PCNX1: variants seen among roughly 807,000 people sequenced by gnomAD.
PCNX1 encodes pecanex 1, also known as pecanex-like protein 1.
PCNX1 carries 78 observed loss-of-function variants against 242.2 expected under a neutral mutation model. The ratio of observed to expected loss-of-function variants is 0.32; its 90% CI spans 0.27 to 0.39. The LOEUF (loss-of-function observed/expected upper bound fraction) is 0.39, where lower values mean the gene tolerates loss of function less well. Among genes scored for constraint, PCNX1 ranks in the 10% least tolerant of loss-of-function variants. The probability of loss-of-function intolerance (pLI) is 1.00; values close to 1 mark genes in which losing one functional copy is unlikely to be tolerated. For synonymous variants in PCNX1, 1,024 were observed against 1,032.9 expected, an observed-to-expected ratio of 0.99 and a Z score of 0.17; for missense variants, 2,581 against 2,856.5, an observed-to-expected ratio of 0.90 and a Z score of 2.20.
chr14:71,076,032 A>G (rs1454029207), intron 27 of PCNX1, among the ~76,000 whole-genome samples, 157 bp from the exon 28 acceptor site: 1 of 152,072 alleles, frequency 6.6e-6, no homozygotes, highest in East Asian at 1.9e-4. Flanking sequence ...ATATATATGT[A>G]GAATATTGAG....
chr14:70,962,527 A>G (rs1323318645), intron 3 of PCNX1, among the ~76,000 whole-genome samples, 196 bp downstream of exon 3: 1 of 152,240 alleles, frequency 6.6e-6, no homozygotes, highest in East Asian at 1.9e-4. Flanking sequence ...TTTGTTGAGC[A>G]TTACCACAGA....
chr14:70,953,322 G>A (rs999111813), intron 2 of PCNX1, among the ~76,000 whole-genome samples: 9 of 151,832 alleles, frequency 5.9e-5, no homozygotes, highest in African/African-American at 2.2e-4. Context: ...GTCTCATTGT[G>A]ACTTTCAGTT....
intron 16 of PCNX1, among the ~76,000 whole-genome samples, chr14:71,029,362 TTTG>T (rs1457308974): frequency 6.6e-6 from 1 of 152,206 alleles, no homozygotes; most frequent in Non-Finnish European, 1.5e-5. Flanking sequence ...ATTTTTGTTT[TTTG>T]TTTGGCGACT....
At chr14:70,927,354 A>G (rs1410699657) in intron 1 of PCNX1, among the ~76,000 whole-genome samples, 1 of 152,092 alleles carries the variant, frequency 6.6e-6, no homozygotes, top group African/African-American at 2.4e-5. Context: ...TTTCACATTT[A>G]CTTCACCTTA....
Position 71,109,515 on chromosome 14 carries a change from C to T in PCNX1, c.6808C>T (p.Pro2270Ser), listed in dbSNP as rs753001702. The change falls in exon 35 of 36, where the codon CCT (proline) becomes TCT (serine). Residue 2270 changes from proline to serine, a missense_variant. Pro to Ser is a moderately conservative substitution (Grantham distance 74, BLOSUM62 -1). Coordinates refer to ENST00000304743, the MANE Select transcript of PCNX1 (RefSeq NM_014982.3). ...NLSKRKELQWPDEGIRLKAGR... is the reference protein window; with the variant it reads ...NLSKRKELQWSDEGIRLKAGR... ...GTCTAAAAGGAAAGAGCTACAGTGGCCTGATGAAGGAATCCGGTTAAAAGC... is the reference window on the plus strand; with the variant it reads ...GTCTAAAAGGAAAGAGCTACAGTGGTCTGATGAAGGAATCCGGTTAAAAGC... 9 of 1,613,712 alleles carry T rather than the reference C, an allele frequency of 5.6e-6. No individual in the cohort carries two copies. Among genetic ancestry groups the T allele is most frequent in the South Asian group, 1.1e-5 (1 of 91,070 alleles).
chr14:70,962,264 G>T lies in PCNX1; in HGVS notation c.401G>T (p.Arg134Leu), dbSNP rs768926819. The change falls in exon 3 of 36, where the codon CGA becomes CTA. Residue 134 changes from arginine to leucine, a missense_variant. By Grantham distance (102) the Arg-to-Leu change is moderately radical. Coordinates refer to ENST00000304743, the MANE Select transcript of PCNX1 (RefSeq NM_014982.3). The stretch of plus-strand genomic sequence containing the variant: ...GGGATTGAAATGTCTGAGTTCATCC[G>T]AGAGGCCACACCCCCAGTTGGTTGC... ...GGGIEMSEFI[R>L]EATPPVGCSS... is the part of the protein sequence containing the mutation. 1 of 1,613,374 alleles carries T rather than the reference G, an allele frequency of 6.2e-7. No homozygotes were observed. The highest frequency in any genetic ancestry group is 8.5e-7 in the Non-Finnish European group (1 of 1,179,468).
At position 71,108,762 on chromosome 14, in the gene PCNX1, A is replaced by G; in HGVS notation, c.6460A>G (p.Ser2154Gly). The G allele has an allele frequency of 6.2e-7, 1 of 1,614,234 alleles. No individual in the cohort carries two copies. Among genetic ancestry groups the G allele is most frequent in the Non-Finnish European group, 8.5e-7 (1 of 1,180,036 alleles). Residue 2154 changes from serine (S) to glycine (G), a missense_variant, in exon 34 of 36, where the codon AGT becomes GGT. This residue lies in a region of PCNX1 where 432 missense variants were observed against 433.6 expected (regional missense o/e 1.00). Coordinates refer to ENST00000304743, the MANE Select transcript of PCNX1 (RefSeq NM_014982.3). ...TGTGCCTTGTCGGCGCTCTTCTACT[A>G]GTCAGATATCGCTTCGAAACTTGCC... ...GFVPCRRSST[S>G]QISLRNLPSS...
Position 70,983,291 on chromosome 14 carries a change from G to A in PCNX1, c.2311+4643G>A, listed in dbSNP as rs140897056. On this transcript the variant is annotated intron_variant, in intron 6 of 35. Transcript: ENST00000304743. The stretch of plus-strand genomic sequence containing the variant: ...TAAGGATGTGCAAATTATCTTTAAC[G>A]CAAAGCTCAGCTAATAATTTTTTTT... Among the ~76,000 whole-genome samples, 245 of 152,102 alleles carry A rather than the reference G, an allele frequency of 1.6e-3. 11 individuals are homozygous for A. In the East Asian group the frequency reaches 0.042, roughly 26 times the overall value.
chr14:70,918,056 A>G (rs2056221104), intron 1 of PCNX1, among the ~76,000 whole-genome samples: 1 of 152,198 alleles, frequency 6.6e-6, no homozygotes, highest in Admixed American at 6.5e-5. Flanking sequence ...AGAATTGAAG[A>G]GAGTTGGGGC....
chr14:70,914,311 A>G (rs2056058255), intron 1 of PCNX1, among the ~76,000 whole-genome samples: 1 of 143,860 alleles, frequency 7.0e-6, no homozygotes, highest in Non-Finnish European at 1.5e-5. Flanking sequence ...AAACCTGCAC[A>G]TGTACCTTGC....
intron 26 of PCNX1, among the ~76,000 whole-genome samples, chr14:71,072,892 C>T (rs1393696528): frequency 1.3e-5 from 2 of 152,110 alleles, no homozygotes; most frequent in African/African-American, 4.8e-5. Flanking sequence ...TAACTCAGAC[C>T]TTCAGGAGAT....
Position 71,103,478 on chromosome 14 carries a change from T to G in PCNX1, c.5904T>G (p.Gly1968=), listed in dbSNP as rs376232824. 5.0e-6 allele frequency: 8 copies of G among 1,613,974 alleles called. No homozygotes were observed. The highest frequency in any genetic ancestry group is 6.8e-6 in the Non-Finnish European group (8 of 1,180,010). ...TACGTAACCGTAACCCAGAGAGAGG[T>G]AGCATCCAAAATGCAAAGCAAGCCC... ...VFLRNRNPER[G]SIQNAKQALR... is the part of the protein sequence containing the mutation. Residue 1968 remains glycine (G), a synonymous_variant, in exon 32 of 36, where the codon GGT becomes GGG. Transcript: ENST00000304743.
Position 71,031,815 on chromosome 14 carries a change from G to A in PCNX1, c.3559-1614G>A, listed in dbSNP as rs1437041740. On this transcript the variant is annotated intron_variant, in intron 16 of 35. Transcript: ENST00000304743. ...GGGAGCCCATGCATAGCTTGGCAGC[G>A]AGGAGAGGGATGGTGGCATCGTCTG... The A allele has an allele frequency of 8.7e-6, 13 of 1,486,084 alleles. No homozygotes were observed. The Admixed American group carries it at 1.2e-4, about 13-fold the overall frequency. The allele number at this position is 1,486,084 out of a possible 1,614,324, so 92.1% of individuals were successfully genotyped here.
At chr14:70,913,025 C>T (rs1440906083) in intron 1 of PCNX1, among the ~76,000 whole-genome samples, 1 of 152,104 alleles carries the variant, frequency 6.6e-6, no homozygotes, top group East Asian at 1.9e-4. Context: ...TTCATCATTC[C>T]ATTCCATAAC....
intron 1 of PCNX1, among the ~76,000 whole-genome samples, chr14:70,910,216 C>CT (rs2055829790): frequency 9.8e-6 from 1 of 101,708 alleles, no homozygotes. Flanking sequence ...CGTCCTCCTC[C>CT]TCCTCCTCCT....
At chr14:70,908,671 C>A (rs1378026018) in intron 1 of PCNX1, among the ~76,000 whole-genome samples, 1 of 152,220 alleles carries the variant, frequency 6.6e-6, no homozygotes, top group Non-Finnish European at 1.5e-5. Context: ...TGTTCGGCCC[C>A]GTGGCCGGTG....
Position 71,057,618 on chromosome 14 carries a change from A to G in PCNX1, c.4746A>G (p.Thr1582=), listed in dbSNP as rs1360655407. Residue 1582 remains threonine, a synonymous_variant, in exon 26 of 36, where the codon ACA becomes ACG. Coordinates refer to ENST00000304743, the MANE Select transcript of PCNX1 (RefSeq NM_014982.3). ...LLLGRWGNYS[T]GDCFILASDY... is the part of the protein sequence containing the mutation. ...TAGGACGGTGGGGAAACTACAGTAC[A>G]GGGGACTGTTTCATCCTTGCCTCTG... 4 of 1,611,106 alleles carry G rather than the reference A, an allele frequency of 2.5e-6. No homozygotes were observed. The highest frequency in any genetic ancestry group is 2.2e-5 in the East Asian group (1 of 44,868).
intron 2 of PCNX1, 94 bp downstream of exon 2, chr14:70,947,217 A>G (rs566233244): frequency 5.1e-6 from 5 of 974,926 alleles, no homozygotes; most frequent in South Asian, 1.5e-5. Flanking sequence ...TTTTCTTTAT[A>G]TGGTTTTAAG....
At chr14:71,097,660 G>A (rs1331082217) in intron 30 of PCNX1, among the ~76,000 whole-genome samples, 1 of 151,942 alleles carries the variant, frequency 6.6e-6, no homozygotes, top group Non-Finnish European at 1.5e-5. Flanking sequence ...ATTGAATTAA[G>A]TTATAGATTC....
Sources: allele counts gnomAD v4.1 joint callset (sites outside exome capture counted in the v4.1 genomes callset), GRCh38; gene constraint gnomAD v4.1.1; regional missense constraint gnomAD v4.1.1; transcripts MANE v1.5; gene names NCBI Gene and HGNC (gene_info 2026-07-23, HGNC 2026-07-21).